The following DNAH1 variants were observed in gnomAD, a reference collection of about 807,000 sequenced individuals.
DNAH1 encodes dynein axonemal heavy chain 1.
In DNAH1, 327 loss-of-function variants were observed where a neutral mutation model predicts 484.3. That is an observed-to-expected ratio of 0.68 (90% CI 0.62 to 0.74). The LOEUF is 0.74. DNAH1 is among the 30% of genes least tolerant of loss of function. DNAH1 has a pLI of 0.00. For missense variants in DNAH1, 5,052 were observed against 5,546.8 expected (o/e 0.91, Z 2.83); for synonymous variants, 2,192 against 2,191.9 (o/e 1.00, Z 0.00).
Position 52,353,824 on chromosome 3 carries a change from C to T in DNAH1, c.3480+191C>T. 1.3e-6 allele frequency: 1 copy of T among 756,122 alleles called. No individual in the cohort carries two copies. The highest frequency in any genetic ancestry group is 2.1e-6 in the Non-Finnish European group (1 of 480,680). The allele number at this position is 756,122 out of a possible 1,614,324, so 46.8% of individuals were successfully genotyped here. A position where few individuals can be genotyped will look rare whatever the true frequency, so the allele number is the denominator to read the frequency against. Reference sequence around the variant, plus strand: ...TGCACATAAAATTCTTGACAGTGTCCACCATTGCTATTATTTTTCAGTTAC... The same window carrying T: ...TGCACATAAAATTCTTGACAGTGTCTACCATTGCTATTATTTTTCAGTTAC... On this transcript the variant is annotated intron_variant, in intron 20 of 77. Coordinates refer to ENST00000420323, the MANE Select transcript of DNAH1 (RefSeq NM_015512.5). The surrounding 1 kb of genome is among the most constrained non-coding windows in gnomAD (Gnocchi z 5.0).
In DNAH1 at chr3:52,379,901, G is replaced by GC; in HGVS notation, c.7378-3dup. The GC allele has an allele frequency of 6.4e-7, 1 of 1,556,146 alleles. No individual in the cohort carries two copies. Among genetic ancestry groups the GC allele is most frequent in the Non-Finnish European group, 8.7e-7 (1 of 1,149,974 alleles). On this transcript the variant is annotated splice_polypyrimidine_tract_variant and splice_region_variant and intron_variant, in intron 47 of 77. Coordinates refer to ENST00000420323, the MANE Select transcript of DNAH1 (RefSeq NM_015512.5). This position sits in a 1 kb window ranked among gnomAD's most constrained non-coding sequence, Gnocchi z 4.4. ...GACAGGCACCGATGCTGGGGCTACTGCAGGACCAAGTGCAGCTGCTGCGAC... is the reference window on the plus strand; with the variant it reads ...GACAGGCACCGATGCTGGGGCTACTGCCAGGACCAAGTGCAGCTGCTGCGAC...
intron 28 of DNAH1, among the ~76,000 whole-genome samples, chr3:52,360,757 G>A (rs541368525): frequency 2.0e-5 from 3 of 152,266 alleles, no homozygotes; most frequent in South Asian, 2.1e-4. Flanking sequence ...GTTTTTATCC[G>A]TCAATTCCTC....
intron 37 of DNAH1, among the ~76,000 whole-genome samples, chr3:52,369,618 T>G (rs975619651): frequency 1.3e-5 from 2 of 152,222 alleles, no homozygotes; most frequent in African/African-American, 2.4e-5. Flanking sequence ...ATCTCCTGAC[T>G]TGGGGTCCTC....
intron 36 of DNAH1, among the ~76,000 whole-genome samples, chr3:52,367,281 G>A (rs1326748233): frequency 6.6e-6 from 1 of 152,168 alleles, no homozygotes; most frequent in African/African-American, 2.4e-5. Context: ...GGAGACTGCT[G>A]AGACGTCGGC....
In DNAH1 at chr3:52,370,220, G is replaced by T. The variant is rs1459971283; in HGVS notation, c.6249G>T (p.Leu2083=). Residue 2083 remains leucine, a synonymous_variant, in exon 39 of 78, where the codon CTG becomes CTT. Coordinates refer to ENST00000420323, the MANE Select transcript of DNAH1 (RefSeq NM_015512.5). ...TGGACTGCTTCTTCAAGCCCTTTCT[G>T]CCTAGAGAGGTACAGCCCTGAGAGT... is the stretch of plus-strand genomic sequence containing the variant. ...KLLDCFFKPF[L]PREGLKKIPS... 3 of 1,613,832 alleles carry T rather than the reference G, an allele frequency of 1.9e-6. No individual in the cohort carries two copies. Among genetic ancestry groups the T allele is most frequent in the South Asian group, 1.1e-5 (1 of 91,036 alleles).
chr3:52,362,545 G>A lies in DNAH1; in HGVS notation c.5094+44G>A, dbSNP rs1271429264. Reference sequence around the variant, plus strand: ...TGGCCCAGGAAGCACCAGAGCTCTAGCCTGAGTTCAGAGATGCTAAGCCAC... The same window carrying A: ...TGGCCCAGGAAGCACCAGAGCTCTAACCTGAGTTCAGAGATGCTAAGCCAC... On this transcript the variant is annotated intron_variant, in intron 31 of 77. Coordinates refer to ENST00000420323, the MANE Select transcript of DNAH1 (RefSeq NM_015512.5). The surrounding 1 kb of genome is among the most constrained non-coding windows in gnomAD (Gnocchi z 5.1). 7.1e-6 allele frequency: 11 copies of A among 1,554,814 alleles called. No individual in the cohort carries two copies. The East Asian group carries it at 2.3e-4, about 32-fold the overall frequency.
In DNAH1 at chr3:52,368,584, A is replaced by G. The variant is rs932898917; in HGVS notation, c.5766-157A>G. ...GTTTTCATTACACCATGTGACACCA[A>G]AAAAATCCCACTTTTCCTATTATAA... On this transcript the variant is annotated intron_variant, in intron 36 of 77. Transcript: ENST00000420323. The surrounding 1 kb of genome is among the most constrained non-coding windows in gnomAD (Gnocchi z 4.4). 1.3e-5 allele frequency among the ~76,000 whole-genome samples: 2 copies of G among 152,184 alleles called. No individual in the cohort carries two copies. Among genetic ancestry groups the G allele is most frequent in the Middle Eastern group, 3.2e-3 (1 of 316 alleles).
At chr3:52,366,429 C>G (rs768011969) in intron 34 of DNAH1, 28 bp from the exon 35 acceptor site, 135 of 1,558,240 alleles carry the variant, frequency 8.7e-5, no homozygotes, top group Non-Finnish European at 8.7e-7. Flanking sequence ...CATGCTCTGA[C>G]CCTTGGGCCC....
At position 52,347,859 on chromosome 3, in the gene DNAH1, T is replaced by C. The variant is rs560021858; in HGVS notation, c.1991T>C (p.Val664Ala). The C allele has an allele frequency of 6.2e-7, 1 of 1,603,190 alleles. No homozygotes were observed. Among genetic ancestry groups the C allele is most frequent in the Non-Finnish European group, 8.5e-7 (1 of 1,174,650 alleles). The change falls in exon 12 of 78, where the codon GTG (valine) becomes GCG (alanine). Residue 664 changes from valine (V) to alanine (A), a missense_variant. Physicochemically the swap from Val to Ala is moderately conservative, Grantham distance 64 (BLOSUM62 0). Around this residue, in one of 4 missense-constraint regions of DNAH1, gnomAD observed 1,263 missense variants for 1,218.8 expected, o/e 1.04. Transcript: ENST00000420323. ...RKNPLFIMDL[V>A]LDSSGVHYST... Reference sequence around the variant, plus strand: ...AATCCCCTGTTCATCATGGACCTGGTGCTGGACAGCTCTGGGGTGCACTAT... The same window carrying C: ...AATCCCCTGTTCATCATGGACCTGGCGCTGGACAGCTCTGGGGTGCACTAT...
At chr3:52,375,819 G>C (rs1703569080) in intron 45 of DNAH1, 136 bp from the exon 46 acceptor site, 1 of 992,642 alleles carries the variant, frequency 1.0e-6, no homozygotes, top group African/African-American at 1.6e-5. Context: ...GATGGACGGA[G>C]TGTCTCTGAG....
intron 60 of DNAH1, among the ~76,000 whole-genome samples, chr3:52,389,849 C>T (rs1190243718): frequency 2.0e-5 from 3 of 152,206 alleles, no homozygotes; most frequent in East Asian, 1.9e-4. Context: ...TGGTGGCTCA[C>T]GCCTGTAATC....
At chr3:52,394,328 C>T (rs1704522553) in intron 66 of DNAH1, 137 bp from the exon 67 acceptor site, 2 of 815,346 alleles carry the variant, frequency 2.5e-6, no homozygotes, top group Non-Finnish European at 3.8e-6. Flanking sequence ...TAACCCAGAC[C>T]TGTTTGACTA....
rs780678190 is a variant in DNAH1 at position 52,364,665 on chromosome 3, G to A, written c.5272G>A (p.Val1758Met). The A allele has an allele frequency of 1.2e-5, 19 of 1,613,864 alleles. No homozygotes were observed. The highest frequency in any genetic ancestry group is 1.3e-5 in the Non-Finnish European group (15 of 1,179,910). ...QDHYDFGMRA[V>M]KTVISAAGNL... ...TCACTATGACTTCGGGATGAGAGCC[G>A]TGAAAACTGTGATCTCGGCTGCTGG... The change falls in exon 33 of 78, where the codon GTG (valine) becomes ATG (methionine). Residue 1758 changes from valine to methionine, a missense_variant. By Grantham distance (21) the Val-to-Met change is conservative. Coordinates refer to ENST00000420323, the MANE Select transcript of DNAH1 (RefSeq NM_015512.5). This position sits in a 1 kb window ranked among gnomAD's most constrained non-coding sequence, Gnocchi z 4.2.
At chr3:52,388,039 A>G in intron 56 of DNAH1, 128 bp from the exon 57 acceptor site, 1 of 1,208,344 alleles carries the variant, frequency 8.3e-7, no homozygotes, top group Non-Finnish European at 1.1e-6. Flanking sequence ...AAGGAGAAAG[A>G]ATCTGTACTG....
In DNAH1 at chr3:52,331,154, C is replaced by T. The variant is rs1194593272; in HGVS notation, c.878C>T (p.Pro293Leu). 1.3e-6 allele frequency: 2 copies of T among 1,591,860 alleles called. No individual in the cohort carries two copies. The highest frequency in any genetic ancestry group is 2.3e-5 in the South Asian group (2 of 87,466). ...GTTTCTCCTCCTGTTTCAGAGGACC[C>T]CAAGAGTCAGAAGCTGAAGTACAAA... ...PTDDFLGHED[P>L]KSQKLKYKWC... is the part of the protein sequence containing the mutation. Residue 293 changes from proline (P) to leucine (L), a missense_variant, in exon 7 of 78, where the codon CCC becomes CTC. This residue lies in a region of DNAH1 where 1,263 missense variants were observed against 1,218.8 expected (regional missense o/e 1.04). Transcript: ENST00000420323.
Position 52,352,232 on chromosome 3 carries a change from A to C in DNAH1, c.2871+129A>C, listed in dbSNP as rs1161880636. ...CAACATGTGATGGGCGGGCAGATGG[A>C]TGAATGAATAAATGGCTGAAAGAAT... On this transcript the variant is annotated intron_variant, in intron 17 of 77. Transcript: ENST00000420323. 5 of 1,288,018 alleles carry C rather than the reference A, an allele frequency of 3.9e-6. No individual in the cohort carries two copies. The African/African-American group carries it at 4.5e-5, about 11-fold the overall frequency. 79.8% of individuals were successfully genotyped at this position (1,288,018 alleles called of 1,614,324 possible).
chr3:52,386,365 C>G lies in DNAH1; in HGVS notation c.8811+20C>G. On this transcript the variant is annotated intron_variant, in intron 55 of 77. Transcript: ENST00000420323. ...ACCGAGGTGGGCAGCAGGGCATCTC[C>G]TGGCATTCCCTCTCATATGCCTCTG... 1 of 1,542,558 alleles carries G rather than the reference C, an allele frequency of 6.5e-7. No individual in the cohort carries two copies. Among genetic ancestry groups the G allele is most frequent in the South Asian group, 1.2e-5 (1 of 82,274 alleles).
chr3:52,395,348 CCACA>C lies in DNAH1; in HGVS notation c.11011_11014del (p.Thr3671ProfsTer23). 6.2e-7 allele frequency: 1 copy of C among 1,613,798 alleles called. No individual in the cohort carries two copies. Among genetic ancestry groups the C allele is most frequent in the Non-Finnish European group, 8.5e-7 (1 of 1,179,862 alleles). On this transcript the variant is annotated frameshift_variant, in exon 69 of 78. Coordinates refer to ENST00000420323, the MANE Select transcript of DNAH1 (RefSeq NM_015512.5). LOFTEE classifies it high-confidence loss of function. The surrounding 1 kb of genome is among the most constrained non-coding windows in gnomAD (Gnocchi z 4.4). ...GTGGTGTTCAAAGACTCCAACTCCA[CCACA>C]CCCCTCATCTTTGTGCTGTCACCCG...
intron 6 of DNAH1, 33 bp downstream of exon 6, chr3:52,328,047 T>TCTCATTC (rs759946247): frequency 1.1e-5 from 17 of 1,602,866 alleles, no homozygotes; most frequent in Admixed American, 1.7e-5. Flanking sequence ...GGGGACACTA[T>TCTCATTC]CTCATTCCAG....
Sources: allele counts gnomAD v4.1 joint callset (sites outside exome capture counted in the v4.1 genomes callset), GRCh38; gene constraint gnomAD v4.1.1; regional missense constraint gnomAD v4.1.1; non-coding constraint Gnocchi (gnomAD v3.1); transcripts MANE v1.5; gene names NCBI Gene and HGNC (gene_info 2026-07-23, HGNC 2026-07-21).